Variants in JPT1 observed in about 807,000 individuals in gnomAD.
JPT1 encodes the protein androgen-regulated protein 2.
Under a neutral mutation model 17.0 loss-of-function variants are expected in JPT1, and 5 were observed. That is an observed-to-expected ratio of 0.29 (90% CI 0.15 to 0.62). The LOEUF is 0.62. Among genes scored for constraint, JPT1 ranks in the 20% least tolerant of loss-of-function variants. JPT1 has a pLI of 0.85. For missense variants in JPT1, 158 were observed against 188.1 expected (o/e 0.84, Z 0.94); for synonymous variants, 71 against 73.6 (o/e 0.96, Z 0.18).
At chr17:75,148,820 C>T (rs2074489496) in intron 1 of JPT1, 149 bp from the exon 2 acceptor site, 2 of 991,540 alleles carry the variant, frequency 2.0e-6, no homozygotes, top group Non-Finnish European at 2.9e-6. Flanking sequence ...AAAGAATCAA[C>T]TCCATCAGTG....
chr17:75,151,791 GA>G (rs1255649161), intron 1 of JPT1, among the ~76,000 whole-genome samples: 1 of 152,028 alleles, frequency 6.6e-6, no homozygotes, highest in Non-Finnish European at 1.5e-5. Context: ...CCAACATAGA[GA>G]AAACCCGTCT....
At chr17:75,140,430 G>A (rs1434670804) in intron 4 of JPT1, among the ~76,000 whole-genome samples, 3 of 152,144 alleles carry the variant, frequency 2.0e-5, no homozygotes, top group Admixed American at 6.6e-5. Flanking sequence ...CAAAGAATCA[G>A]AACTGGAAGA....
chr17:75,150,859 T>TTTTTTTTGTTTTG (rs1568037380), intron 1 of JPT1, among the ~76,000 whole-genome samples: 21 of 140,280 alleles, frequency 1.5e-4, no homozygotes, highest in African/African-American at 5.4e-4. Flanking sequence ...TTTTTTTTTT[T>TTTTTTTTGTTTTG]TTTTTTTTTT....
rs934781568 is a variant in JPT1 at position 75,146,559 on chromosome 17, A to G, written c.316+107T>C. On this transcript the variant is annotated intron_variant, in intron 4 of 4. Transcript: ENST00000409753. ...GTATGGCGGCACTTGGGGCATGGCCAGGTTTCACTCCCCAGTCTCTTTCCC... is the reference window on the plus strand; with the variant it reads ...GTATGGCGGCACTTGGGGCATGGCCGGGTTTCACTCCCCAGTCTCTTTCCC... 3.8e-6 allele frequency: 3 copies of G among 781,804 alleles called. No individual in the cohort carries two copies. The African/African-American group carries it at 5.3e-5, about 14-fold the overall frequency. The allele number at this position is 781,804 out of a possible 1,614,324, so 48.4% of individuals were successfully genotyped here. A position where few individuals can be genotyped will look rare whatever the true frequency, so the allele number is the denominator to read the frequency against.
In JPT1 at chr17:75,146,675, C is replaced by A; in HGVS notation, c.307G>T (p.Asp103Tyr). 6.5e-7 allele frequency: 1 copy of A among 1,541,290 alleles called. No individual in the cohort carries two copies. The highest frequency in any genetic ancestry group is 1.4e-5 in the African/African-American group (1 of 73,092). ...CTTCAGAAGTACTTACCATGAATAT[C>A]ACCTTCTCCCTAGAAAAGAAAAAAA... is the stretch of plus-strand genomic sequence containing the variant. ...GDFLDLKGEG[D>Y]IHENVDTDLP... Residue 103 changes from aspartate (D) to tyrosine (Y), a missense_variant, in exon 4 of 5, where the codon GAT becomes TAT. Physicochemically the swap from Asp to Tyr is radical, Grantham distance 160. Coordinates refer to ENST00000409753, the MANE Select transcript of JPT1 (RefSeq NM_016185.4).
At chr17:75,146,718 TATTTTA>T in intron 3 of JPT1, 34 bp from the exon 4 acceptor site, 1 of 1,385,828 alleles carries the variant, frequency 7.2e-7, no homozygotes, top group Middle Eastern at 1.9e-4. Context: ...ATTTACTTCC[TATTTTA>T]ATTTTGGAAC....
chr17:75,140,136 T>A (rs2074280286), intron 4 of JPT1, among the ~76,000 whole-genome samples: 1 of 152,054 alleles, frequency 6.6e-6, no homozygotes, highest in Non-Finnish European at 1.5e-5. Context: ...CAGGATGGTC[T>A]TGATCTCTTG....
chr17:75,147,533 T>TG (rs763843627), intron 3 of JPT1, 23 bp downstream of exon 3: 2 of 1,540,390 alleles, frequency 1.3e-6, no homozygotes, highest in South Asian at 2.2e-5. Flanking sequence ...AAAGCCTTTC[T>TG]GGCCTCATGC....
chr17:75,146,180 G>A (rs1294856537), intron 4 of JPT1, among the ~76,000 whole-genome samples: 1 of 152,070 alleles, frequency 6.6e-6, no homozygotes, highest in Non-Finnish European at 1.5e-5. Flanking sequence ...TTCAGGCAAG[G>A]TCTCACTCTG....
chr17:75,142,611 G>C, intron 4 of JPT1: 1 of 227,868 alleles, frequency 4.4e-6, no homozygotes, highest in Non-Finnish European at 8.1e-6. Flanking sequence ...GGGGAAGGGG[G>C]AGAGAGGAGG....
intron 1 of JPT1, chr17:75,149,224 C>A: frequency 2.5e-6 from 1 of 398,358 alleles, no homozygotes. Flanking sequence ...AGCGTAGTGG[C>A]GCATGCCTGT....
Position 75,154,488 on chromosome 17 carries a change from G to T in JPT1, c.-91C>A, listed in dbSNP as rs907197797. On this transcript the variant is annotated 5_prime_UTR_variant, in exon 1 of 5. Transcript: ENST00000409753. ...CTGGGAAACTCCACACCCAACAGCC[G>T]ACCACCGCTGCAGGAGCCGCCGCTG... 27 of 1,242,040 alleles carry T rather than the reference G, an allele frequency of 2.2e-5. No homozygotes were observed. The highest frequency in any genetic ancestry group is 1.5e-4 in the South Asian group (11 of 74,456). The allele number at this position is 1,242,040 out of a possible 1,614,324, so 76.9% of individuals were successfully genotyped here. A position where few individuals can be genotyped will look rare whatever the true frequency, so the allele number is the denominator to read the frequency against.
chr17:75,135,322 C>CT lies in JPT1; in HGVS notation c.*779dup, dbSNP rs1370895586. 1 of 152,586 alleles carries CT rather than the reference C, an allele frequency of 6.6e-6. No individual in the cohort carries two copies. The allele number at this position is 152,586 out of a possible 1,614,324, so 9.5% of individuals were successfully genotyped here. On this transcript the variant is annotated 3_prime_UTR_variant, in exon 5 of 5. Coordinates refer to ENST00000409753, the MANE Select transcript of JPT1 (RefSeq NM_016185.4). ...AGTACAACACATTTTAAGGATGAGA[C>CT]TTTCCTTTCATGGTCAAGCACCAGC...
At chr17:75,147,965 C>CAGGT (rs1568035267) in intron 2 of JPT1, 3 of 315,038 alleles carry the variant, frequency 9.5e-6, no homozygotes, top group African/African-American at 2.1e-5. Context: ...CACCACTGCA[C>CAGGT]TCTGTACTCC....
Position 75,136,163 on chromosome 17 carries a change from G to A in JPT1, c.404C>T (p.Pro135Leu), listed in dbSNP as rs199855326. ...ATTTCTTCTGGATGGCACTGGGGCCGGGGCCACCGGGCTGGGCACAGGCGC... is the reference window on the plus strand; with the variant it reads ...ATTTCTTCTGGATGGCACTGGGGCCAGGGCCACCGGGCTGGGCACAGGCGC... ...PAAPVPSPVA[P>L]APVPSRRNPP... The change falls in exon 5 of 5, where the codon CCG (proline) becomes CTG (leucine). Residue 135 changes from proline (P) to leucine (L), a missense_variant. By Grantham distance (98) the Pro-to-Leu change is moderately conservative. Transcript: ENST00000409753. The A allele has an allele frequency of 3.8e-4, 614 of 1,614,140 alleles. No individual in the cohort carries two copies. Among genetic ancestry groups the A allele is most frequent in the Non-Finnish European group, 1.8e-4 (218 of 1,180,016 alleles).
At chr17:75,138,223 A>G (rs867596321) in intron 4 of JPT1, among the ~76,000 whole-genome samples, 1 of 152,230 alleles carries the variant, frequency 6.6e-6, no homozygotes, top group Middle Eastern at 3.4e-3. Flanking sequence ...TTGGCCTCCC[A>G]AGGTGCTGGG....
rs182402913 is a variant in JPT1, at chr17:75,147,576, C to T, written c.277G>A (p.Gly93Arg). 199 of 1,613,572 alleles carry T rather than the reference C, an allele frequency of 1.2e-4. 1 individual carries two copies. The highest frequency in any genetic ancestry group is 1.6e-4 in the Non-Finnish European group (185 of 1,179,508). The part of the protein sequence containing the change: ...QRRNSSEASS[G>R]DFLDLKGEGD... ...CTGACCTTCAGATCTAAGAAGTCTC[C>T]GGAGCTTGCTTCAGAGGAGTTCCTT... Residue 93 changes from glycine to arginine, a missense_variant, in exon 3 of 5, where the codon GGA (glycine) becomes AGA (arginine). Gly to Arg is a moderately radical substitution (Grantham distance 125). Transcript: ENST00000409753.
intron 1 of JPT1, 28 bp downstream of exon 1, chr17:75,154,314 C>CGGCTCGG (rs1417046536): frequency 1.3e-6 from 2 of 1,531,022 alleles, no homozygotes; most frequent in Non-Finnish European, 1.8e-6. Flanking sequence ...CAGCCCCGCG[C>CGGCTCGG]GGCTCGGGCG....
chr17:75,141,896 C>T (rs1432665408), intron 4 of JPT1, among the ~76,000 whole-genome samples: 1 of 151,832 alleles, frequency 6.6e-6, no homozygotes, highest in African/African-American at 2.4e-5. Flanking sequence ...TGGTGAAACT[C>T]CGTCTCTACT....
Sources: gnomAD v4.1 joint callset for allele counts (sites outside exome capture counted in the v4.1 genomes callset) on GRCh38, gnomAD v4.1.1 for gene constraint, MANE v1.5 for transcripts, NCBI Gene and HGNC (gene_info 2026-07-23, HGNC 2026-07-21) for gene names.